CDH13: variants seen among roughly 807,000 people sequenced by gnomAD.
CDH13 encodes the protein cadherin-13.
CDH13 carries 24 observed loss-of-function variants against 63.8 expected under a neutral mutation model. That is an observed-to-expected ratio of 0.38 (90% CI 0.27 to 0.53). CDH13 has a LOEUF of 0.53. Ranked by LOEUF, CDH13 falls within the 20% of genes least tolerant of loss-of-function variation. The probability of loss-of-function intolerance (pLI) is 0.85; values close to 1 mark genes in which losing one functional copy is unlikely to be tolerated. For synonymous variants in CDH13, 503 were observed against 355.3 expected, an observed-to-expected ratio of 1.42 and a Z score of -4.67; for missense variants, 1,049 against 903.1, an observed-to-expected ratio of 1.16 and a Z score of -2.07.
intron 2 of CDH13, among the ~76,000 whole-genome samples, chr16:82,988,590 C>T (rs1046602475): frequency 7.2e-5 from 11 of 151,948 alleles, no homozygotes; most frequent in African/African-American, 2.2e-4. Flanking sequence ...GGTGAAACCC[C>T]GTCTCTACAA....
chr16:82,687,690 C>T (rs1436824383), intron 1 of CDH13, among the ~76,000 whole-genome samples: 1 of 152,024 alleles, frequency 6.6e-6, no homozygotes, highest in Non-Finnish European at 1.5e-5. Context: ...TATTACAATT[C>T]AAGATGAAAT....
At chr16:82,694,852 G>T (rs2030065210) in intron 1 of CDH13, among the ~76,000 whole-genome samples, 1 of 152,164 alleles carries the variant, frequency 6.6e-6, no homozygotes. Flanking sequence ...GTCTCTTCTA[G>T]AAAGGAGGAG....
intron 5 of CDH13, among the ~76,000 whole-genome samples, chr16:83,342,051 C>G (rs1438099487): frequency 6.9e-6 from 1 of 145,300 alleles, no homozygotes; most frequent in Non-Finnish European, 1.5e-5. Context: ...TCATACTCTA[C>G]CCAGTGATGG....
chr16:82,845,469 C>T (rs1224306848), intron 1 of CDH13, among the ~76,000 whole-genome samples: 3 of 152,206 alleles, frequency 2.0e-5, no homozygotes, highest in Admixed American at 1.3e-4. Context: ...CAACTGAGAT[C>T]AGAGGTTGGC....
chr16:83,030,700 G>C (rs1251261492), intron 2 of CDH13, among the ~76,000 whole-genome samples: 4 of 139,948 alleles, frequency 2.9e-5, no homozygotes, highest in African/African-American at 1.1e-4. Context: ...CAATCCTTGA[G>C]AAGCACTCCT....
chr16:83,476,246 C>T (rs1052283103), intron 6 of CDH13, among the ~76,000 whole-genome samples: 5 of 152,142 alleles, frequency 3.3e-5, no homozygotes, highest in African/African-American at 9.7e-5. Flanking sequence ...CACTAGATGC[C>T]AATATCACAT....
chr16:82,675,525 C>A (rs1913795564), intron 1 of CDH13, among the ~76,000 whole-genome samples: 1 of 152,102 alleles, frequency 6.6e-6, no homozygotes, highest in Non-Finnish European at 1.5e-5. Flanking sequence ...ACTCCTTGGC[C>A]CAGCACAGTT....
rs1282231850 is a variant in CDH13, at chr16:83,217,355, G to A, written c.494G>A (p.Ser165Asn). The A allele has an allele frequency of 6.2e-7, 1 of 1,613,834 alleles. No homozygotes were observed. Among genetic ancestry groups the A allele is most frequent in the Non-Finnish European group, 8.5e-7 (1 of 1,179,886 alleles). The stretch of plus-strand genomic sequence containing the variant: ...TGTTTTTCTGACTAGGTAGTCGATA[G>A]TGACAGGCCAGAAAGGTCCAAGTTC... Reference protein sequence around the residue: ...FPRDVGKVVDSDRPERSKFRL... With the variant: ...FPRDVGKVVDNDRPERSKFRL... Residue 165 changes from serine to asparagine, a missense_variant, in exon 5 of 14, where the codon AGT (serine) becomes AAT (asparagine). Physicochemically the swap from Ser to Asn is conservative, Grantham distance 46. Coordinates refer to ENST00000567109, the MANE Select transcript of CDH13 (RefSeq NM_001257.5).
chr16:83,618,950 A>G (rs954056355), intron 8 of CDH13, among the ~76,000 whole-genome samples: 1 of 152,158 alleles, frequency 6.6e-6, no homozygotes, highest in Non-Finnish European at 1.5e-5. Context: ...ACTACTATCT[A>G]TTTCAGTTAC....
intron 3 of CDH13, among the ~76,000 whole-genome samples, chr16:83,063,875 G>C (rs1031345876): frequency 3.3e-4 from 50 of 152,096 alleles, no homozygotes; most frequent in African/African-American, 1.2e-3. Flanking sequence ...AAAGGCAATT[G>C]TGTAACATTT....
chr16:83,257,303 A>C (rs902837242), intron 5 of CDH13, among the ~76,000 whole-genome samples: 9 of 152,180 alleles, frequency 5.9e-5, no homozygotes, highest in South Asian at 2.1e-4. Context: ...CTGCAACTCA[A>C]GTAGAATTCA....
At chr16:83,780,988 C>G (rs920432310) in intron 12 of CDH13, among the ~76,000 whole-genome samples, 2 of 152,166 alleles carry the variant, frequency 1.3e-5, no homozygotes, top group Non-Finnish European at 2.9e-5. Context: ...CAACCTCCAA[C>G]CTTCCATAGT....
intron 7 of CDH13, among the ~76,000 whole-genome samples, chr16:83,491,785 A>G (rs183366087): frequency 6.4e-4 from 97 of 152,266 alleles, no homozygotes; most frequent in African/African-American, 2.0e-3. Context: ...TGTACATATA[A>G]TACAAGATAT....
chr16:83,476,457 G>T (rs966310024), intron 6 of CDH13, among the ~76,000 whole-genome samples: 1 of 152,202 alleles, frequency 6.6e-6, no homozygotes, highest in Admixed American at 6.5e-5. Flanking sequence ...CAGATCACTC[G>T]AGGTCGGGAG....
At chr16:82,797,830 C>T (rs2036663659) in intron 1 of CDH13, among the ~76,000 whole-genome samples, 1 of 142,464 alleles carries the variant, frequency 7.0e-6, no homozygotes. Flanking sequence ...TGTGTACATA[C>T]TTTTCCCCCT....
chr16:82,765,081 G>A (rs1466105262), intron 1 of CDH13, among the ~76,000 whole-genome samples: 1 of 152,136 alleles, frequency 6.6e-6, no homozygotes, highest in Non-Finnish European at 1.5e-5. Flanking sequence ...CTCCCAAAGT[G>A]CACTGCCTTC....
chr16:83,397,924 A>C (rs972746914), intron 6 of CDH13: 1 of 152,224 alleles, frequency 6.6e-6, no homozygotes, highest in African/African-American at 2.4e-5. Flanking sequence ...CAATTTACTT[A>C]CCTGCTGGGA....
At chr16:83,412,971 T>C (rs1461699073) in intron 6 of CDH13, among the ~76,000 whole-genome samples, 1 of 152,248 alleles carries the variant, frequency 6.6e-6, no homozygotes, top group African/African-American at 2.4e-5. Context: ...AAATTACTTA[T>C]AAACCTGTCA....
intron 1 of CDH13, among the ~76,000 whole-genome samples, chr16:82,858,155 C>G (rs1057360504): frequency 8.5e-5 from 13 of 152,310 alleles, no homozygotes; most frequent in Middle Eastern, 6.8e-3. Context: ...TTAATGGAAA[C>G]TGCAGCAGCT....
Sources: gnomAD v4.1 joint callset for allele counts (sites outside exome capture counted in the v4.1 genomes callset) on GRCh38, gnomAD v4.1.1 for gene constraint, MANE v1.5 for transcripts, NCBI Gene and HGNC (gene_info 2026-07-23, HGNC 2026-07-21) for gene names.